Variants in ARF1 observed in about 807,000 individuals in gnomAD.
ARF1 encodes ADP-ribosylation factor 1.
Under a neutral mutation model 18.0 loss-of-function variants are expected in ARF1, and 1 was observed. The ratio of observed to expected loss-of-function variants is 0.06; its 90% CI spans 0.02 to 0.26. ARF1 has a LOEUF of 0.26. Among genes scored for constraint, ARF1 ranks in the 10% least tolerant of loss-of-function variants. The pLI, the probability that ARF1 is intolerant of heterozygous loss-of-function variation, is 1.00. For missense variants in ARF1, 73 were observed against 247.2 expected (o/e 0.30, Z 4.73); for synonymous variants, 112 against 96.3 (o/e 1.16, Z -0.95).
intron 1 of ARF1, among the ~76,000 whole-genome samples, chr1:228,095,293 G>C (rs2032704976): frequency 6.7e-6 from 1 of 149,890 alleles, no homozygotes; most frequent in Non-Finnish European, 1.5e-5. Flanking sequence ...GGGGGTGGGG[G>C]TGGGCGGAGC....
In ARF1 at chr1:228,093,868, G is replaced by C. The variant is rs545733342; in HGVS notation, c.-37-3210G>C. Among the ~76,000 whole-genome samples the C allele has an allele frequency of 1.8e-3, 265 of 151,090 alleles. 1 individual carries two copies. Among genetic ancestry groups the C allele is most frequent in the Non-Finnish European group, 2.9e-3 (195 of 67,858 alleles). ...TCGAACCTGGGAGGCAGAGGTTGCA[G>C]TGAGCCGAGATCGCACCTGAGAGGT... On this transcript the variant is annotated intron_variant, in intron 1 of 4. Transcript: ENST00000272102.
At chr1:228,094,505 C>T (rs913018146) in intron 1 of ARF1, among the ~76,000 whole-genome samples, 17 of 152,188 alleles carry the variant, frequency 1.1e-4, no homozygotes, top group Non-Finnish European at 1.9e-4. Flanking sequence ...TTCCGCATTG[C>T]CTAGAGTTGC....
intron 1 of ARF1, chr1:228,096,369 T>C (rs777737162): frequency 5.9e-5 from 9 of 152,272 alleles, no homozygotes; most frequent in Non-Finnish European, 1.0e-4. Flanking sequence ...CTAAAGTCCC[T>C]GTTCGGGATA....
In ARF1 at chr1:228,097,485, C is replaced by T. The variant is rs374548874; in HGVS notation, c.259+33C>T. 101 of 1,613,496 alleles carry T rather than the reference C, an allele frequency of 6.3e-5. No homozygotes were observed. The highest frequency in any genetic ancestry group is 7.3e-5 in the Non-Finnish European group (86 of 1,179,748). On this transcript the variant is annotated intron_variant, in intron 3 of 4. Coordinates refer to ENST00000272102, the MANE Select transcript of ARF1 (RefSeq NM_001658.4). This position sits in a 1 kb window ranked among gnomAD's most constrained non-coding sequence, Gnocchi z 8.1. ...GCTGGGGCCTGGTCCCATGGGCACTCCTGCTTCTAGAGAGGGGGGGCCAGC... is the reference window on the plus strand; with the variant it reads ...GCTGGGGCCTGGTCCCATGGGCACTTCTGCTTCTAGAGAGGGGGGGCCAGC...
intron 1 of ARF1, among the ~76,000 whole-genome samples, chr1:228,091,925 C>T (rs1465765168): frequency 6.6e-6 from 1 of 152,078 alleles, no homozygotes. Context: ...TCGTGTGGGA[C>T]ATGAACACAG....
chr1:228,096,659 G>A (rs562030249), intron 1 of ARF1, among the ~76,000 whole-genome samples: 1 of 152,224 alleles, frequency 6.6e-6, no homozygotes, highest in African/African-American at 2.4e-5. Context: ...TGAGTCTGGC[G>A]TGGCCCTGTG....
rs948779677 is a variant in ARF1, at chr1:228,098,076, G to A, written c.*63G>A. The A allele has an allele frequency of 4.5e-5, 69 of 1,536,806 alleles. No homozygotes were observed. The Middle Eastern group carries it at 1.7e-3, about 38-fold the overall frequency. ...CTTTACTCTCATGTGGCAAACGTGCGGCTCGTGGTGTGAGTGCCAGAAGCT... is the reference window on the plus strand; with the variant it reads ...CTTTACTCTCATGTGGCAAACGTGCAGCTCGTGGTGTGAGTGCCAGAAGCT... On this transcript the variant is annotated 3_prime_UTR_variant, in exon 5 of 5. Coordinates refer to ENST00000272102, the MANE Select transcript of ARF1 (RefSeq NM_001658.4).
In ARF1 at chr1:228,089,140, G is replaced by A. The variant is rs2124846404; in HGVS notation, c.-38+6375G>A. Among the ~76,000 whole-genome samples the A allele has an allele frequency of 6.6e-6, 1 of 152,322 alleles. No homozygotes were observed. Among genetic ancestry groups the A allele is most frequent in the East Asian group, 1.9e-4 (1 of 5,184 alleles). On this transcript the variant is annotated intron_variant, in intron 1 of 4. Transcript: ENST00000272102. This position sits in a 1 kb window ranked among gnomAD's most constrained non-coding sequence, Gnocchi z 4.1. Reference sequence around the variant, plus strand: ...TTCGGCTGCAAAGCTGGCTGTCAAGGGGCAGGAATTGGGAGGAGGGTCTAA... The same window carrying A: ...TTCGGCTGCAAAGCTGGCTGTCAAGAGGCAGGAATTGGGAGGAGGGTCTAA...
At chr1:228,092,563 T>TG (rs1170717368) in intron 1 of ARF1, among the ~76,000 whole-genome samples, 2 of 152,256 alleles carry the variant, frequency 1.3e-5, no homozygotes, top group African/African-American at 4.8e-5. Flanking sequence ...TTGTTTGTCC[T>TG]GTGCTAGAGG....
chr1:228,087,082 C>T (rs1053252327), intron 1 of ARF1, among the ~76,000 whole-genome samples: 8 of 152,136 alleles, frequency 5.3e-5, no homozygotes, highest in African/African-American at 7.2e-5. Context: ...ATTTTGAAAG[C>T]CTTCTAGGCA....
Position 228,097,058 on chromosome 1 carries a change from G to A in ARF1, c.-37-20G>A. The A allele has an allele frequency of 6.5e-7, 1 of 1,545,692 alleles. No homozygotes were observed. Among genetic ancestry groups the A allele is most frequent in the Non-Finnish European group, 8.7e-7 (1 of 1,144,704 alleles). On this transcript the variant is annotated intron_variant, in intron 1 of 4. Coordinates refer to ENST00000272102, the MANE Select transcript of ARF1 (RefSeq NM_001658.4). This position sits in a 1 kb window ranked among gnomAD's most constrained non-coding sequence, Gnocchi z 8.1. ...TGCTGGGCAGCACAGAACCAGACATGGAGCACCTTGTCTCTCCAGGTGTCC... is the reference window on the plus strand; with the variant it reads ...TGCTGGGCAGCACAGAACCAGACATAGAGCACCTTGTCTCTCCAGGTGTCC...
intron 1 of ARF1, among the ~76,000 whole-genome samples, chr1:228,091,953 C>T (rs1489221579): frequency 6.6e-6 from 1 of 151,016 alleles, no homozygotes. Flanking sequence ...CGAAATTGAT[C>T]ATCTACACTA....
chr1:228,097,668 G>C lies in ARF1; in HGVS notation c.337G>C (p.Glu113Gln). ...TGAGGAGCTCATGAGGATGCTGGCC[G>C]AGGACGAGCTCCGGGATGCTGTCCT... ...AREELMRMLA[E>Q]DELRDAVLLV... Residue 113 changes from glutamate (E) to glutamine (Q), a missense_variant, in exon 4 of 5, where the codon GAG (glutamate) becomes CAG (glutamine). This residue lies in a region of ARF1 where 48 missense variants were observed against 144.7 expected (regional missense o/e 0.33). Transcript: ENST00000272102. This position sits in a 1 kb window ranked among gnomAD's most constrained non-coding sequence, Gnocchi z 8.1. 6.2e-7 allele frequency: 1 copy of C among 1,613,976 alleles called. No individual in the cohort carries two copies. Among genetic ancestry groups the C allele is most frequent in the Non-Finnish European group, 8.5e-7 (1 of 1,179,912 alleles).
chr1:228,096,297 T>G (rs999730785), intron 1 of ARF1, among the ~76,000 whole-genome samples: 1 of 152,246 alleles, frequency 6.6e-6, no homozygotes, highest in East Asian at 1.9e-4. Flanking sequence ...TCACTCGGGG[T>G]AAGCCCCGCT....
chr1:228,088,530 A>T (rs77944238), intron 1 of ARF1, among the ~76,000 whole-genome samples: 3 of 152,236 alleles, frequency 2.0e-5, no homozygotes, highest in East Asian at 3.9e-4. Context: ...TGAAAAAAAA[A>T]TTTTTGTGCA....
rs1235575378 is a variant in ARF1 at position 228,082,936 on chromosome 1, G to T, written c.-38+171G>T. The T allele has an allele frequency of 6.6e-6, 1 of 152,486 alleles. No individual in the cohort carries two copies. The highest frequency in any genetic ancestry group is 2.4e-5 in the African/African-American group (1 of 41,366). The allele number at this position is 152,486 out of a possible 1,614,324, so 9.4% of individuals were successfully genotyped here. On this transcript the variant is annotated intron_variant, in intron 1 of 4. Coordinates refer to ENST00000272102, the MANE Select transcript of ARF1 (RefSeq NM_001658.4). The surrounding 1 kb of genome is among the most constrained non-coding windows in gnomAD (Gnocchi z 6.1). ...GACGCAGACGGGCCGGGCTGAGGCT[G>T]GGGCCCGGCCGGAGTCGGGGCTGGG...
In ARF1 at chr1:228,098,972, T is replaced by C. The variant is rs567693214; in HGVS notation, c.*959T>C. ...TCTCCCTCAGCCTGCAAGGGTCCGA[T>C]TTGCCATCGAAAAAGACAACCTCTA... On this transcript the variant is annotated 3_prime_UTR_variant, in exon 5 of 5. Transcript: ENST00000272102. The C allele has an allele frequency of 6.5e-6, 1 of 152,778 alleles. No homozygotes were observed. Among genetic ancestry groups the C allele is most frequent in the East Asian group, 1.9e-4 (1 of 5,182 alleles). 9.5% of individuals were successfully genotyped at this position (152,778 alleles called of 1,614,324 possible).
At chr1:228,087,278 A>G (rs1027658803) in intron 1 of ARF1, among the ~76,000 whole-genome samples, 3 of 152,198 alleles carry the variant, frequency 2.0e-5, no homozygotes, top group African/African-American at 7.2e-5. Flanking sequence ...TATAGGTTTG[A>G]TTTAGGTACA....
intron 1 of ARF1, among the ~76,000 whole-genome samples, chr1:228,095,974 A>G (rs2032733331): frequency 6.6e-6 from 1 of 152,274 alleles, no homozygotes; most frequent in Admixed American, 6.5e-5. Flanking sequence ...TCCAAAGGAC[A>G]CTGATCCAGC....
Sources: allele counts gnomAD v4.1 joint callset (sites outside exome capture counted in the v4.1 genomes callset), GRCh38; gene constraint gnomAD v4.1.1; regional missense constraint gnomAD v4.1.1; non-coding constraint Gnocchi (gnomAD v3.1); transcripts MANE v1.5; gene names NCBI Gene and HGNC (gene_info 2026-07-23, HGNC 2026-07-21).